Variants in NRP2 observed in about 807,000 individuals in gnomAD.
NRP2 encodes neuropilin 2.
Under a neutral mutation model 110.4 loss-of-function variants are expected in NRP2, and 52 were observed. That is an observed-to-expected ratio of 0.47 (90% CI 0.38 to 0.59). NRP2 has a LOEUF of 0.59. Among genes scored for constraint, NRP2 ranks in the 20% least tolerant of loss-of-function variants. The probability of loss-of-function intolerance (pLI) is 0.00; values close to 1 mark genes in which losing one functional copy is unlikely to be tolerated. For synonymous variants in NRP2, 508 were observed against 468.9 expected (o/e 1.08, Z -1.08); for missense variants, 1,049 against 1,203.0 (o/e 0.87, Z 1.89).
intron 1 of NRP2, among the ~76,000 whole-genome samples, chr2:205,697,312 C>G (rs2056451138): frequency 7.3e-6 from 1 of 137,860 alleles, no homozygotes; most frequent in African/African-American, 2.9e-5. Flanking sequence ...ATACTTTCAT[C>G]TGTGTGTGTG....
chr2:205,728,034 C>T lies in NRP2; in HGVS notation c.1134C>T (p.Gly378=), dbSNP rs754228250. 1.2e-6 allele frequency: 2 copies of T among 1,614,080 alleles called. No individual in the cohort carries two copies. Among genetic ancestry groups the T allele is most frequent in the Non-Finnish European group, 1.7e-6 (2 of 1,180,018 alleles). Reference sequence around the variant, plus strand: ...AGGACTGGATGGTGTACCGGCATGGCAAAAACCACAAGGTAAATCCATGAT... The same window carrying T: ...AGGACTGGATGGTGTACCGGCATGGTAAAAACCACAAGGTAAATCCATGAT... The part of the protein sequence containing the change: ...NGEDWMVYRH[G]KNHKVFQANN... Residue 378 remains glycine, a synonymous_variant, in exon 7 of 17, where the codon GGC becomes GGT. Transcript: ENST00000357785.
At chr2:205,688,451 T>G (rs1021130363) in intron 1 of NRP2, among the ~76,000 whole-genome samples, 1 of 152,210 alleles carries the variant, frequency 6.6e-6, no homozygotes, top group African/African-American at 2.4e-5. Context: ...TTTTCAAAGC[T>G]TTATCTGCCT....
chr2:205,766,458 G>A (rs2057919648), intron 14 of NRP2, among the ~76,000 whole-genome samples: 2 of 152,202 alleles, frequency 1.3e-5, no homozygotes, highest in Non-Finnish European at 2.9e-5. Flanking sequence ...CAGGCCCCAG[G>A]CATCTAAAAG....
intron 7 of NRP2, among the ~76,000 whole-genome samples, chr2:205,734,791 TA>T (rs1053196717): frequency 1.3e-5 from 2 of 152,146 alleles, no homozygotes; most frequent in African/African-American, 4.8e-5. Context: ...ATATTTATTT[TA>T]AAAAAGAAGA....
At chr2:205,716,736 G>T (rs997491822) in intron 3 of NRP2, among the ~76,000 whole-genome samples, 17 of 152,104 alleles carry the variant, frequency 1.1e-4, no homozygotes, top group Non-Finnish European at 2.4e-4. Flanking sequence ...ATTACTTCAT[G>T]GTCTAATGAT....
At position 205,725,746 on chromosome 2, in the gene NRP2, G is replaced by A. The variant is rs570870871; in HGVS notation, c.821-167G>A. On this transcript the variant is annotated intron_variant, in intron 5 of 16. Transcript: ENST00000357785. The surrounding 1 kb of genome is among the most constrained non-coding windows in gnomAD (Gnocchi z 4.1). Reference sequence around the variant, plus strand: ...CTCTCAGACCCAGAGGGGTTGTCAAGCTCCATGACTTGATGTAGTTGTTTT... The same window carrying A: ...CTCTCAGACCCAGAGGGGTTGTCAAACTCCATGACTTGATGTAGTTGTTTT... Among the ~76,000 whole-genome samples, 5 of 152,328 alleles carry A rather than the reference G, an allele frequency of 3.3e-5. No individual in the cohort carries two copies. Among genetic ancestry groups the A allele is most frequent in the Admixed American group, 2.0e-4 (3 of 15,310 alleles).
At chr2:205,777,130 G>T in intron 15 of NRP2, 9 of 986,888 alleles carry the variant, frequency 9.1e-6, no homozygotes, top group Non-Finnish European at 1.1e-5. Flanking sequence ...TTGGAGAAGA[G>T]ATTGAAGCTT....
At position 205,763,045 on chromosome 2, in the gene NRP2, C is replaced by T. The variant is rs1036275401; in HGVS notation, c.2045-629C>T. On this transcript the variant is annotated intron_variant, in intron 12 of 16. Coordinates refer to ENST00000357785, the MANE Select transcript of NRP2 (RefSeq NM_003872.3). This position sits in a 1 kb window ranked among gnomAD's most constrained non-coding sequence, Gnocchi z 4.0. ...TCAAGCCTCCCTGAATCATCCCTTT[C>T]AGCTCCCACCCTCTGTTCTGTTTGA... 1.3e-5 allele frequency among the ~76,000 whole-genome samples: 2 copies of T among 152,212 alleles called. No homozygotes were observed. The highest frequency in any genetic ancestry group is 4.8e-5 in the African/African-American group (2 of 41,454).
intron 3 of NRP2, among the ~76,000 whole-genome samples, chr2:205,718,512 A>G (rs1192004587): frequency 1.3e-5 from 2 of 152,138 alleles, no homozygotes; most frequent in Non-Finnish European, 2.9e-5. Context: ...AGAGATTGTA[A>G]GAGAAAGCCC....
intron 15 of NRP2, 63 bp downstream of exon 15, chr2:205,766,866 T>A: frequency 6.7e-7 from 1 of 1,483,910 alleles, no homozygotes. Context: ...CCCCATGTGA[T>A]GTGAATTTGA....
At chr2:205,777,198 G>A in intron 15 of NRP2, 1 of 966,858 alleles carries the variant, frequency 1.0e-6, no homozygotes, top group Non-Finnish European at 1.2e-6. Context: ...TCATCTCCAG[G>A]TACCTAAAGA....
Position 205,749,784 on chromosome 2 carries a change from C to T in NRP2, c.1846C>T (p.Pro616Ser). Reference sequence around the variant, plus strand: ...TGTGAAGAGCGAAGAGACAACCACCCCCTACCCCACCGAAGAGGAGGCCAC... The same window carrying T: ...TGTGAAGAGCGAAGAGACAACCACCTCCTACCCCACCGAAGAGGAGGCCAC... ...PTVKSEETTT[P>S]YPTEEEATEC... Residue 616 changes from proline to serine, a missense_variant, in exon 11 of 17, where the codon CCC becomes TCC. Coordinates refer to ENST00000357785, the MANE Select transcript of NRP2 (RefSeq NM_003872.3). The T allele has an allele frequency of 6.2e-7, 1 of 1,614,160 alleles. No individual in the cohort carries two copies. Among genetic ancestry groups the T allele is most frequent in the Non-Finnish European group, 8.5e-7 (1 of 1,180,016 alleles).
At chr2:205,715,102 G>T (rs1320858358) in intron 2 of NRP2, among the ~76,000 whole-genome samples, 1 of 152,186 alleles carries the variant, frequency 6.6e-6, no homozygotes. Flanking sequence ...TGGTGCAGCG[G>T]CCAGCAGTTG....
chr2:205,787,253 C>T (rs186010181), intron 15 of NRP2, among the ~76,000 whole-genome samples: 10 of 152,290 alleles, frequency 6.6e-5, no homozygotes, highest in Admixed American at 4.6e-4. Flanking sequence ...CCACATCCCA[C>T]GCCGCTTCCT....
intron 2 of NRP2, chr2:205,698,021 A>C: frequency 2.4e-6 from 1 of 423,220 alleles, no homozygotes; most frequent in South Asian, 2.3e-5. Context: ...GGACTACAAA[A>C]CTCTACTCTT....
At chr2:205,749,113 C>T (rs758121429) in intron 10 of NRP2, among the ~76,000 whole-genome samples, 6 of 152,220 alleles carry the variant, frequency 3.9e-5, no homozygotes, top group Non-Finnish European at 7.3e-5. Flanking sequence ...ACCTCCCCTC[C>T]AGGCCCCAGT....
chr2:205,684,200 G>C (rs894346549), intron 1 of NRP2, among the ~76,000 whole-genome samples: 1 of 152,098 alleles, frequency 6.6e-6, no homozygotes, highest in Non-Finnish European at 1.5e-5. Flanking sequence ...GACCGCATTT[G>C]TGGGGAGCGG....
intron 1 of NRP2, among the ~76,000 whole-genome samples, chr2:205,697,123 GAC>G (rs2105886972): frequency 6.6e-6 from 1 of 152,196 alleles, no homozygotes; most frequent in East Asian, 1.9e-4. Context: ...TGGGCTGGGA[GAC>G]ACCGAATAAA....
chr2:205,776,571 A>C (rs755746249), intron 15 of NRP2: 1 of 1,600,030 alleles, frequency 6.2e-7, no homozygotes, highest in South Asian at 1.1e-5. Flanking sequence ...GAAAGACTGC[A>C]AACATGTTGC....
Sources: gnomAD v4.1 joint callset for allele counts (sites outside exome capture counted in the v4.1 genomes callset) on GRCh38, gnomAD v4.1.1 for gene constraint, Gnocchi (gnomAD v3.1) non-coding constraint, MANE v1.5 for transcripts, NCBI Gene and HGNC (gene_info 2026-07-23, HGNC 2026-07-21) for gene names.